KIF26B: variants seen among roughly 807,000 people sequenced by gnomAD.
KIF26B encodes the protein kinesin-like protein KIF26B.
A neutral mutation model predicts 151.2 loss-of-function variants in KIF26B; 63 were observed. That is an observed-to-expected ratio of 0.42 (90% CI 0.34 to 0.51). The LOEUF is 0.51. Ranked by LOEUF, KIF26B falls within the 20% of genes least tolerant of loss-of-function variation. KIF26B has a pLI of 0.07. For synonymous variants in KIF26B, 1,357 were observed against 1,262.1 expected, an observed-to-expected ratio of 1.08 and a Z score of -1.59; for missense variants, 2,813 against 2,913.6, an observed-to-expected ratio of 0.97 and a Z score of 0.79.
intron 2 of KIF26B, among the ~76,000 whole-genome samples, chr1:245,340,672 T>C (rs1484204642): frequency 6.6e-6 from 1 of 152,212 alleles, no homozygotes; most frequent in Non-Finnish European, 1.5e-5. Flanking sequence ...GACAGGGTCC[T>C]GCTTTCATCG....
chr1:245,590,631 G>A (rs2043277767), intron 5 of KIF26B, among the ~76,000 whole-genome samples: 1 of 152,112 alleles, frequency 6.6e-6, no homozygotes, highest in South Asian at 2.1e-4. Flanking sequence ...GTCCAGGCCG[G>A]GCACGGTGGC....
At chr1:245,176,825 C>T (rs1205662730) in intron 2 of KIF26B, among the ~76,000 whole-genome samples, 3 of 152,178 alleles carry the variant, frequency 2.0e-5, no homozygotes, top group Non-Finnish European at 4.4e-5. Flanking sequence ...TGGGATGAAG[C>T]ATTTATCAGC....
At chr1:245,422,154 G>C (rs1173004848) in intron 4 of KIF26B, among the ~76,000 whole-genome samples, 1 of 152,166 alleles carries the variant, frequency 6.6e-6, no homozygotes, top group Non-Finnish European at 1.5e-5. Context: ...TTTCTGTGCA[G>C]TGAACGCTGA....
chr1:245,648,935 G>C (rs1197481041), intron 10 of KIF26B, among the ~76,000 whole-genome samples: 1 of 152,330 alleles, frequency 6.6e-6, no homozygotes, highest in East Asian at 1.9e-4. Context: ...TGTTGATGGC[G>C]TGGGTACAGA....
At chr1:245,636,859 A>ATT (rs1457655603) in intron 9 of KIF26B, among the ~76,000 whole-genome samples, 1 of 98,398 alleles carries the variant, frequency 1.0e-5, no homozygotes, top group African/African-American at 3.9e-5. Context: ...ATAATATTCC[A>ATT]TTGTGTGTGT....
intron 2 of KIF26B, among the ~76,000 whole-genome samples, chr1:245,180,032 G>A (rs1668876540): frequency 6.6e-6 from 1 of 152,232 alleles, no homozygotes; most frequent in South Asian, 2.1e-4. Flanking sequence ...AGAGGACCAT[G>A]TCTGTGTGCC....
intron 4 of KIF26B, among the ~76,000 whole-genome samples, chr1:245,532,365 C>T: frequency 6.6e-6 from 1 of 151,290 alleles, no homozygotes; most frequent in Non-Finnish European, 1.5e-5. Flanking sequence ...CCTGCCTCAG[C>T]CTCCCGAGTA....
intron 10 of KIF26B, among the ~76,000 whole-genome samples, chr1:245,651,662 G>C (rs986969461): frequency 6.6e-6 from 1 of 152,200 alleles, no homozygotes; most frequent in Non-Finnish European, 1.5e-5. Flanking sequence ...GGTGAGCAGT[G>C]GGGGAGCATG....
intron 2 of KIF26B, among the ~76,000 whole-genome samples, chr1:245,300,346 G>A (rs112637060): frequency 3.9e-5 from 6 of 152,124 alleles, no homozygotes; most frequent in African/African-American, 7.2e-5. Flanking sequence ...GGGCTGCTTC[G>A]TTCTACTCTG....
At chr1:245,685,360 A>C in intron 11 of KIF26B, 45 bp from the exon 12 acceptor site, 1 of 1,486,730 alleles carries the variant, frequency 6.7e-7, no homozygotes, top group African/African-American at 1.4e-5. Flanking sequence ...TCCCGGGGAA[A>C]CTGCCACGGA....
At chr1:245,640,122 GCTCTCT>G (rs376565844) in intron 9 of KIF26B, among the ~76,000 whole-genome samples, 3 of 53,974 alleles carry the variant, frequency 5.6e-5, no homozygotes, top group Non-Finnish European at 1.1e-4. Flanking sequence ...ACTAATATTT[GCTCTCT>G]CTCTCTCTCT....
At chr1:245,362,551 A>T (rs927836127) in intron 2 of KIF26B, among the ~76,000 whole-genome samples, 11 of 150,110 alleles carry the variant, frequency 7.3e-5, no homozygotes, top group Non-Finnish European at 1.2e-4. Flanking sequence ...AAAAAAAAAA[A>T]TTTTCCTGAG....
At chr1:245,342,855 GGTGGCA>G (rs1347797614) in intron 2 of KIF26B, among the ~76,000 whole-genome samples, 7 of 152,200 alleles carry the variant, frequency 4.6e-5, no homozygotes, top group Middle Eastern at 3.2e-3. Flanking sequence ...GGGAGGCTAA[GGTGGCA>G]GATCGCCTGA....
At position 245,704,066 on chromosome 1, in the gene KIF26B, A is replaced by G. The variant is rs547820327; in HGVS notation, c.*1460A>G. 1 of 152,356 alleles carries G rather than the reference A, an allele frequency of 6.6e-6. No homozygotes were observed. Among genetic ancestry groups the G allele is most frequent in the Non-Finnish European group, 1.5e-5 (1 of 68,026 alleles). 9.4% of individuals were successfully genotyped at this position (152,356 alleles called of 1,614,324 possible). ...TGATACCCATTTTAGTGATTGATAG[A>G]AACCTGGGGTACAGAGTGGTCAAGG... On this transcript the variant is annotated 3_prime_UTR_variant, in exon 15 of 15. Transcript: ENST00000407071.
intron 6 of KIF26B, among the ~76,000 whole-genome samples, chr1:245,607,389 C>G (rs2103150501): frequency 6.6e-6 from 1 of 152,330 alleles, no homozygotes; most frequent in East Asian, 1.9e-4. Context: ...CCTGCCTGCT[C>G]TACAGACGCA....
chr1:245,315,567 C>A (rs1156917600), intron 2 of KIF26B, among the ~76,000 whole-genome samples: 1 of 151,904 alleles, frequency 6.6e-6, no homozygotes, highest in Admixed American at 6.6e-5. Context: ...ACTAAAAATA[C>A]ACAAATTAGC....
At chr1:245,485,464 A>G (rs931859167) in intron 4 of KIF26B, among the ~76,000 whole-genome samples, 8 of 149,756 alleles carry the variant, frequency 5.3e-5, no homozygotes, top group Admixed American at 4.0e-4. Context: ...GCTCACTGCA[A>G]CCTCCACCTC....
intron 4 of KIF26B, among the ~76,000 whole-genome samples, chr1:245,518,077 G>C (rs1300264303): frequency 1.3e-5 from 2 of 151,904 alleles, no homozygotes; most frequent in African/African-American, 4.8e-5. Flanking sequence ...TCACCATCTT[G>C]GCCAGGCTGG....
At position 245,532,676 on chromosome 1, in the gene KIF26B, T is replaced by C. The variant is rs147024679; in HGVS notation, c.1167-8091T>C. On this transcript the variant is annotated intron_variant, in intron 4 of 14. Coordinates refer to ENST00000407071, the MANE Select transcript of KIF26B (RefSeq NM_018012.4). Reference sequence around the variant, plus strand: ...TATTGTTTGAGGCTAATGGCCACCATGTTTGCCTCCTAGCAGTAAACATGT... The same window carrying C: ...TATTGTTTGAGGCTAATGGCCACCACGTTTGCCTCCTAGCAGTAAACATGT... Among the ~76,000 whole-genome samples, 920 of 152,262 alleles carry C rather than the reference T, an allele frequency of 6.0e-3. 7 individuals are homozygous for C. The highest frequency in any genetic ancestry group is 0.021 in the African/African-American group (864 of 41,540).
Sources: gnomAD v4.1 joint callset for allele counts (sites outside exome capture counted in the v4.1 genomes callset) on GRCh38, gnomAD v4.1.1 for gene constraint, MANE v1.5 for transcripts, NCBI Gene and HGNC (gene_info 2026-07-23, HGNC 2026-07-21) for gene names.